The following CDH4 variants were observed in gnomAD, a reference collection of about 807,000 sequenced individuals.
CDH4 encodes the protein cadherin-4.
A neutral mutation model predicts 86.0 loss-of-function variants in CDH4; 33 were observed. The observed-to-expected ratio is 0.38, with a 90% CI of 0.29 to 0.51. The LOEUF (loss-of-function observed/expected upper bound fraction) is 0.51, where lower values mean the gene tolerates loss of function less well. Among genes scored for constraint, CDH4 ranks in the 20% least tolerant of loss-of-function variants. The pLI is 0.86. For missense variants in CDH4, 1,114 were observed against 1,307.4 expected (o/e 0.85, Z 2.28); for synonymous variants, 555 against 549.4 (o/e 1.01, Z -0.14).
chr20:61,763,789 CCTTGGCT>C (rs1415745973), intron 3 of CDH4, among the ~76,000 whole-genome samples: 1 of 152,154 alleles, frequency 6.6e-6, no homozygotes, highest in African/African-American at 2.4e-5. Context: ...CAGGGTTCCT[CCTTGGCT>C]CTTCATAATT....
intron 2 of CDH4, among the ~76,000 whole-genome samples, chr20:61,611,732 G>GGGGACA (rs1015130042): frequency 1.3e-5 from 2 of 152,148 alleles, no homozygotes; most frequent in African/African-American, 4.8e-5. Flanking sequence ...AAGCCGCTTG[G>GGGGACA]GGGACAGGGC....
At chr20:61,621,926 A>G (rs1034512101) in intron 2 of CDH4, among the ~76,000 whole-genome samples, 4 of 152,260 alleles carry the variant, frequency 2.6e-5, no homozygotes, top group South Asian at 2.1e-4. Flanking sequence ...TGCATAAACT[A>G]TAATTATTAA....
intron 2 of CDH4, among the ~76,000 whole-genome samples, chr20:61,290,486 C>T (rs1231405509): frequency 1.3e-5 from 2 of 150,840 alleles, no homozygotes; most frequent in African/African-American, 4.9e-5. Flanking sequence ...ATGAGACTTG[C>T]TGGATTTATC....
intron 2 of CDH4, among the ~76,000 whole-genome samples, chr20:61,400,173 C>T (rs2085041991): frequency 6.6e-6 from 1 of 152,148 alleles, no homozygotes; most frequent in African/African-American, 2.4e-5. Flanking sequence ...CCCAGGTCTT[C>T]GGGGGGCTTC....
chr20:61,740,944 C>G (rs1392569612), intron 2 of CDH4: 1 of 152,328 alleles, frequency 6.6e-6, no homozygotes, highest in Non-Finnish European at 1.5e-5. Context: ...GGCACAGGGG[C>G]TCACGCCTGT....
intron 2 of CDH4, among the ~76,000 whole-genome samples, chr20:61,283,060 CGT>C (rs746112535): frequency 0.024 from 68 of 2,836 alleles, 15 homozygotes; most frequent in Admixed American, 0.065. Flanking sequence ...CGTGCTGTGG[CGT>C]GTGTGATGTA....
At chr20:61,600,586 G>C (rs1395788759) in intron 2 of CDH4, among the ~76,000 whole-genome samples, 3 of 152,194 alleles carry the variant, frequency 2.0e-5, no homozygotes, top group Non-Finnish European at 4.4e-5. Context: ...GAAGCACTCA[G>C]CCAGCCACTG....
intron 5 of CDH4, among the ~76,000 whole-genome samples, chr20:61,852,322 A>G (rs1982763182): frequency 1.3e-5 from 2 of 151,822 alleles, no homozygotes; most frequent in Admixed American, 6.6e-5. Context: ...CTAACCTTAC[A>G]GTGGCAGGAG....
intron 2 of CDH4, among the ~76,000 whole-genome samples, chr20:61,622,685 T>A (rs1600815028): frequency 6.6e-6 from 1 of 152,372 alleles, no homozygotes; most frequent in East Asian, 1.9e-4. Flanking sequence ...ACCTCAGCAC[T>A]TGGGATTGGA....
rs1360163326 is a variant in CDH4, at chr20:61,252,857, C to G, written c.57+287C>G. Among the ~76,000 whole-genome samples the G allele has an allele frequency of 3.3e-5, 5 of 151,964 alleles. No homozygotes were observed. Among genetic ancestry groups the G allele is most frequent in the South Asian group, 4.1e-4 (2 of 4,834 alleles). ...GACCCGCCGAGCCTCCCTCGAACGC[C>G]CAAAGCCCGTAGCCGCTACCCGGAG... On this transcript the variant is annotated intron_variant, in intron 1 of 15. Coordinates refer to ENST00000614565, the MANE Select transcript of CDH4 (RefSeq NM_001794.5). The surrounding 1 kb of genome is among the most constrained non-coding windows in gnomAD (Gnocchi z 4.4).
Position 61,383,440 on chromosome 20 carries a change from A to C in CDH4, c.169+128503A>C, listed in dbSNP as rs1163654172. Among the ~76,000 whole-genome samples the C allele has an allele frequency of 1.7e-3, 12 of 7,034 alleles. 2 individuals are homozygous for C. In the East Asian group the frequency reaches 0.041, roughly 24 times the overall value. 4.6% of individuals were successfully genotyped at this position (7,034 alleles called of 152,430 possible). On this transcript the variant is annotated intron_variant, in intron 2 of 15. Transcript: ENST00000614565. ...ATATATATGATATATATCATATATG[A>C]ATATATATTCATATATATGAAGATA...
At chr20:61,850,621 C>T (rs935656329) in intron 5 of CDH4, among the ~76,000 whole-genome samples, 2 of 152,216 alleles carry the variant, frequency 1.3e-5, no homozygotes, top group Non-Finnish European at 2.9e-5. Flanking sequence ...TCTTGTCTCC[C>T]GGAACGAGGA....
chr20:61,894,857 A>G (rs999730771), intron 7 of CDH4, 53 bp from the exon 8 acceptor site: 110 of 1,574,456 alleles, frequency 7.0e-5, no homozygotes, highest in Non-Finnish European at 9.2e-5. Context: ...TGCCCTGTCA[A>G]TTAAAACCCA....
At chr20:61,615,105 T>A (rs867036248) in intron 2 of CDH4, among the ~76,000 whole-genome samples, 1 of 141,328 alleles carries the variant, frequency 7.1e-6, no homozygotes, top group Admixed American at 7.3e-5. Flanking sequence ...ATTTTGCTTT[T>A]TTTGTTGTTG....
intron 4 of CDH4, among the ~76,000 whole-genome samples, chr20:61,841,786 G>A (rs1982188871): frequency 6.6e-6 from 1 of 152,142 alleles, no homozygotes; most frequent in Admixed American, 6.5e-5. Context: ...CGCGCACCGT[G>A]GGCCTGCAGG....
intron 2 of CDH4, among the ~76,000 whole-genome samples, chr20:61,559,010 C>T (rs1195724780): frequency 6.6e-6 from 1 of 152,170 alleles, no homozygotes; most frequent in Non-Finnish European, 1.5e-5. Context: ...CTGAAAGAAA[C>T]CTGACAGGGA....
intron 2 of CDH4, among the ~76,000 whole-genome samples, chr20:61,348,340 C>T (rs890034915): frequency 4.6e-5 from 7 of 152,254 alleles, no homozygotes; most frequent in African/African-American, 7.2e-5. Flanking sequence ...GAGAACAGCA[C>T]GGGAAAGACC....
chr20:61,573,014 A>G (rs1294671748), intron 2 of CDH4, among the ~76,000 whole-genome samples: 1 of 142,232 alleles, frequency 7.0e-6, no homozygotes, highest in African/African-American at 2.7e-5. Flanking sequence ...GGATGGATTG[A>G]TGGATGGATG....
intron 6 of CDH4, among the ~76,000 whole-genome samples, chr20:61,865,986 T>C (rs1378009102): frequency 2.0e-5 from 3 of 152,198 alleles, no homozygotes; most frequent in Non-Finnish European, 2.9e-5. Context: ...CGTGTTTATA[T>C]TGAACATCTT....
Sources: gnomAD v4.1 joint callset for allele counts (sites outside exome capture counted in the v4.1 genomes callset) on GRCh38, gnomAD v4.1.1 for gene constraint, Gnocchi (gnomAD v3.1) non-coding constraint, MANE v1.5 for transcripts, NCBI Gene and HGNC (gene_info 2026-07-23, HGNC 2026-07-21) for gene names.